Variants in FAM169A observed in about 807,000 individuals in gnomAD.
FAM169A encodes the protein soluble lamin-associated protein of 75 kDa.
A neutral mutation model predicts 75.7 loss-of-function variants in FAM169A; 24 were observed. The ratio of observed to expected loss-of-function variants is 0.32; its 90% CI spans 0.23 to 0.45. FAM169A has a LOEUF of 0.45. Ranked by LOEUF, FAM169A falls within the 20% of genes least tolerant of loss-of-function variation. The pLI is 1.00. For missense variants in FAM169A, 673 were observed against 784.0 expected, an observed-to-expected ratio of 0.86 and a Z score of 1.69; for synonymous variants, 271 against 271.0, an observed-to-expected ratio of 1.00 and a Z score of 0.00.
Position 74,780,069 on chromosome 5 carries a change from T to A in FAM169A, c.*1391A>T, listed in dbSNP as rs1224492818. On this transcript the variant is annotated 3_prime_UTR_variant, in exon 13 of 13. Transcript: ENST00000687041. ...CTGTTTTTAGATTATCTTTGGATTCTAATAACCATTTTGTCCATTTTTAAA... is the reference window on the plus strand; with the variant it reads ...CTGTTTTTAGATTATCTTTGGATTCAAATAACCATTTTGTCCATTTTTAAA... The A allele has an allele frequency of 1.3e-5, 2 of 152,222 alleles. No homozygotes were observed. Among genetic ancestry groups the A allele is most frequent in the African/African-American group, 4.8e-5 (2 of 41,470 alleles). 9.4% of individuals were successfully genotyped at this position (152,222 alleles called of 1,614,324 possible). A position where few individuals can be genotyped will look rare whatever the true frequency, so the allele number is the denominator to read the frequency against.
At chr5:74,828,911 C>G (rs1748171842) in intron 5 of FAM169A, among the ~76,000 whole-genome samples, 1 of 152,126 alleles carries the variant, frequency 6.6e-6, no homozygotes, top group African/African-American at 2.4e-5. Flanking sequence ...TAGCCACACC[C>G]TGCCTACCAC....
intron 1 of FAM169A, among the ~76,000 whole-genome samples, chr5:74,860,666 A>C (rs1749984749): frequency 6.6e-6 from 1 of 152,054 alleles, no homozygotes; most frequent in African/African-American, 2.4e-5. Flanking sequence ...GAGCCACTAG[A>C]CAGGATAAGA....
At chr5:74,791,589 GA>G (rs1163502369) in intron 11 of FAM169A, among the ~76,000 whole-genome samples, 1 of 152,218 alleles carries the variant, frequency 6.6e-6, no homozygotes, top group Non-Finnish European at 1.5e-5. Context: ...CTATCAAGAT[GA>G]AATCAGTCTA....
At chr5:74,864,710 T>C (rs964902328) in intron 1 of FAM169A, among the ~76,000 whole-genome samples, 1 of 152,176 alleles carries the variant, frequency 6.6e-6, no homozygotes, top group Non-Finnish European at 1.5e-5. Flanking sequence ...CCCAAACAGA[T>C]CCCCATCATT....
intron 10 of FAM169A, chr5:74,799,099 A>C: frequency 1.0e-6 from 1 of 981,364 alleles, no homozygotes; most frequent in Non-Finnish European, 1.7e-6. Flanking sequence ...GCACATCTAT[A>C]AGAAGAATGG....
At chr5:74,857,597 A>AC (rs1240908183) in intron 1 of FAM169A, among the ~76,000 whole-genome samples, 2 of 139,498 alleles carry the variant, frequency 1.4e-5, no homozygotes, top group Non-Finnish European at 3.1e-5. Context: ...AAAAAAAAAA[A>AC]AAAAAAACTT....
intron 11 of FAM169A, among the ~76,000 whole-genome samples, chr5:74,788,023 T>C (rs1320917272): frequency 6.6e-6 from 1 of 152,028 alleles, no homozygotes; most frequent in Non-Finnish European, 1.5e-5. Flanking sequence ...CTCCCATCCT[T>C]CCCCAAGGAG....
At chr5:74,805,524 C>CCT (rs1746823608) in intron 6 of FAM169A, among the ~76,000 whole-genome samples, 1 of 81,932 alleles carries the variant, frequency 1.2e-5, no homozygotes, top group South Asian at 4.6e-4. Context: ...ATGTGCTTCG[C>CCT]TTTTTTTTTT....
chr5:74,805,591 C>T (rs1042214763), intron 6 of FAM169A, among the ~76,000 whole-genome samples: 13 of 126,816 alleles, frequency 1.0e-4, no homozygotes, highest in Non-Finnish European at 1.9e-4. Context: ...AATGCAGTGG[C>T]GCGATCTCGG....
At chr5:74,857,320 G>A (rs1226102548) in intron 1 of FAM169A, among the ~76,000 whole-genome samples, 1 of 151,818 alleles carries the variant, frequency 6.6e-6, no homozygotes, top group East Asian at 1.9e-4. Context: ...GGAGGCCAAG[G>A]TGGGCAGAGC....
chr5:74,854,475 C>A (rs1202711604), intron 1 of FAM169A, among the ~76,000 whole-genome samples: 1 of 152,120 alleles, frequency 6.6e-6, no homozygotes, highest in Non-Finnish European at 1.5e-5. Context: ...CCCAATCACA[C>A]TTTGTTATTT....
chr5:74,831,514 G>C (rs1748309111), intron 5 of FAM169A, among the ~76,000 whole-genome samples: 1 of 152,078 alleles, frequency 6.6e-6, no homozygotes, highest in African/African-American at 2.4e-5. Flanking sequence ...AGAAGTGACT[G>C]GATTTCAGAT....
At chr5:74,818,795 C>CTATATA (rs1202952608) in intron 5 of FAM169A, among the ~76,000 whole-genome samples, 7 of 139,890 alleles carry the variant, frequency 5.0e-5, no homozygotes, top group Non-Finnish European at 7.7e-5. Flanking sequence ...CTCTCTCTCT[C>CTATATA]TCTCTCTCTA....
chr5:74,792,877 G>A (rs1277494892), intron 11 of FAM169A, among the ~76,000 whole-genome samples: 1 of 152,154 alleles, frequency 6.6e-6, no homozygotes, highest in African/African-American at 2.4e-5. Flanking sequence ...ACTACCATTT[G>A]ATTGAGCAAT....
chr5:74,850,948 ACT>A (rs1428913274), intron 1 of FAM169A, among the ~76,000 whole-genome samples: 29 of 152,264 alleles, frequency 1.9e-4, no homozygotes, highest in African/African-American at 6.5e-4. Context: ...ACAGAATCTC[ACT>A]CTGTCACCCA....
chr5:74,824,239 G>C (rs1050552979), intron 5 of FAM169A, among the ~76,000 whole-genome samples: 2 of 152,176 alleles, frequency 1.3e-5, no homozygotes, highest in African/African-American at 4.8e-5. Flanking sequence ...CAAGGCAATT[G>C]ACAGTTGAAG....
intron 11 of FAM169A, among the ~76,000 whole-genome samples, chr5:74,794,465 G>A (rs1283347791): frequency 1.3e-5 from 2 of 150,910 alleles, no homozygotes; most frequent in Non-Finnish European, 3.0e-5. Context: ...GGTGGGTCAT[G>A]CCTGTAATCC....
intron 11 of FAM169A, among the ~76,000 whole-genome samples, chr5:74,789,160 C>A (rs1438563879): frequency 6.6e-6 from 1 of 152,226 alleles, no homozygotes; most frequent in Non-Finnish European, 1.5e-5. Context: ...TCGCTTTTCA[C>A]TTCCACAAGT....
Position 74,866,190 on chromosome 5 carries a change from G to T in FAM169A, c.-29C>A, listed in dbSNP as rs1452816383. ...CTCAGACGCGCCCCGGGAGCCGCTG[G>T]AAGAGCCCGGGAAAGGAGGCGGAGC... On this transcript the variant is annotated 5_prime_UTR_variant, in exon 1 of 13. Transcript: ENST00000687041. The T allele has an allele frequency of 1.0e-6, 1 of 983,016 alleles. No individual in the cohort carries two copies. The highest frequency in any genetic ancestry group is 1.8e-5 in the African/African-American group (1 of 55,956). 60.9% of individuals were successfully genotyped at this position (983,016 alleles called of 1,614,324 possible).
Sources: allele counts gnomAD v4.1 joint callset (sites outside exome capture counted in the v4.1 genomes callset), GRCh38; gene constraint gnomAD v4.1.1; transcripts MANE v1.5; gene names NCBI Gene and HGNC (gene_info 2026-07-23, HGNC 2026-07-21).